Variants in CFAP299 observed in about 807,000 individuals in gnomAD.
CFAP299 encodes cilia and flagella associated protein 299, also known as cilia- and flagella-associated protein 299.
In CFAP299, 21 loss-of-function variants were observed where a neutral mutation model predicts 27.0. That is an observed-to-expected ratio of 0.78 (90% CI 0.55 to 1.12). The LOEUF (loss-of-function observed/expected upper bound fraction) is 1.12, where lower values mean the gene tolerates loss of function less well. Among genes scored for constraint, CFAP299 ranks in the 50% most tolerant of loss-of-function variants. CFAP299 has a pLI of 0.00. For synonymous variants in CFAP299, 104 were observed against 98.1 expected (o/e 1.06, Z -0.36); for missense variants, 310 against 276.6 (o/e 1.12, Z -0.86).
intron 1 of CFAP299, among the ~76,000 whole-genome samples, chr4:80,342,204 G>A (rs1722492236): frequency 6.6e-6 from 1 of 152,176 alleles, no homozygotes; most frequent in African/African-American, 2.4e-5. Context: ...TGGGGTACCT[G>A]AAAGAAACTG....
intron 4 of CFAP299, chr4:80,871,000 G>A (rs1418522639): frequency 2.5e-5 from 15 of 596,824 alleles, no homozygotes; most frequent in South Asian, 7.4e-5. Flanking sequence ...TCCACCTCAC[G>A]GGTTCAAGCA....
chr4:80,507,936 G>T (rs1732114610), intron 2 of CFAP299, among the ~76,000 whole-genome samples: 1 of 152,132 alleles, frequency 6.6e-6, no homozygotes, highest in Non-Finnish European at 1.5e-5. Flanking sequence ...ACTGTAATTA[G>T]TCAGACCCAA....
chr4:80,681,715 C>T (rs1402893428), intron 3 of CFAP299, among the ~76,000 whole-genome samples: 2 of 152,180 alleles, frequency 1.3e-5, no homozygotes, highest in Admixed American at 6.5e-5. Context: ...AGTAATTTAA[C>T]AGATGGCAAA....
chr4:80,921,108 G>T (rs1008453240), intron 4 of CFAP299, among the ~76,000 whole-genome samples: 2 of 151,948 alleles, frequency 1.3e-5, no homozygotes, highest in Non-Finnish European at 2.9e-5. Context: ...ATCCCCAATA[G>T]GTTTGGGGAG....
intron 2 of CFAP299, among the ~76,000 whole-genome samples, chr4:80,392,386 T>C (rs900042068): frequency 6.6e-6 from 1 of 152,170 alleles, no homozygotes; most frequent in Admixed American, 6.5e-5. Flanking sequence ...ATAGTTCGGC[T>C]GTGTCCCCAC....
At chr4:80,352,868 TA>T (rs1168917973) in intron 1 of CFAP299, among the ~76,000 whole-genome samples, 2 of 151,656 alleles carry the variant, frequency 1.3e-5, no homozygotes, top group Non-Finnish European at 1.5e-5. Context: ...TTGATTTGAG[TA>T]AAAAAGAAAA....
At chr4:80,963,328 C>T (rs1410720834) in intron 5 of CFAP299, among the ~76,000 whole-genome samples, 189 bp from the exon 6 acceptor site, 1 of 151,790 alleles carries the variant, frequency 6.6e-6, no homozygotes, top group South Asian at 2.1e-4. Context: ...ATCATAATTC[C>T]AAAGCTCCTA....
intron 4 of CFAP299, among the ~76,000 whole-genome samples, chr4:80,937,301 T>TC (rs1560484221): frequency 5.0e-5 from 7 of 140,082 alleles, no homozygotes; most frequent in Non-Finnish European, 1.1e-4. Context: ...CTTTTTTCTT[T>TC]TTTTTTCTTT....
At chr4:80,441,750 C>A (rs1477556847) in intron 2 of CFAP299, among the ~76,000 whole-genome samples, 1 of 152,168 alleles carries the variant, frequency 6.6e-6, no homozygotes, top group Admixed American at 6.5e-5. Context: ...AATTAAAAGA[C>A]ACAGACTGGC....
Position 80,449,334 on chromosome 4 carries a change from A to T in CFAP299, c.242+86450A>T, listed in dbSNP as rs562002246. Among the ~76,000 whole-genome samples, 34 of 152,086 alleles carry T rather than the reference A, an allele frequency of 2.2e-4. No individual in the cohort carries two copies. The South Asian group carries it at 6.8e-3, about 31-fold the overall frequency. ...AATTTTCACATTGTTATTTCATTTT[A>T]AATTTTATTATTAATCACTTATTAG... On this transcript the variant is annotated intron_variant, in intron 2 of 5. Coordinates refer to ENST00000358105, the MANE Select transcript of CFAP299 (RefSeq NM_152770.3).
At chr4:80,559,130 A>G (rs1399842767) in intron 2 of CFAP299, among the ~76,000 whole-genome samples, 5 of 152,066 alleles carry the variant, frequency 3.3e-5, no homozygotes, top group South Asian at 4.1e-4. Flanking sequence ...CTTTAGTTAT[A>G]TATCTCCTCA....
intron 2 of CFAP299, among the ~76,000 whole-genome samples, chr4:80,374,246 G>A (rs1724292316): frequency 6.6e-6 from 1 of 152,156 alleles, no homozygotes; most frequent in Admixed American, 6.5e-5. Context: ...AGTCCAATGA[G>A]TCCCTCTAGT....
intron 1 of CFAP299, among the ~76,000 whole-genome samples, chr4:80,337,594 C>T (rs1003965187): frequency 7.9e-5 from 12 of 151,992 alleles, no homozygotes; most frequent in African/African-American, 1.4e-4. Context: ...GACAGGGTTT[C>T]ACCATGTTGG....
chr4:80,632,259 G>A (rs1020368566), intron 3 of CFAP299, among the ~76,000 whole-genome samples: 14 of 150,640 alleles, frequency 9.3e-5, no homozygotes, highest in African/African-American at 2.7e-4. Flanking sequence ...AAAACAATTT[G>A]GTTTTCCTTT....
chr4:80,387,820 G>T, intron 2 of CFAP299: 1 of 1,541,852 alleles, frequency 6.5e-7, no homozygotes. Flanking sequence ...TGGCTTCCCT[G>T]TAGCTTCCAG....
chr4:80,618,039 T>G (rs1466369058), intron 3 of CFAP299, among the ~76,000 whole-genome samples: 3 of 151,934 alleles, frequency 2.0e-5, no homozygotes, highest in African/African-American at 7.3e-5. Flanking sequence ...AAAGAAAAAT[T>G]TGTGATGTAT....
At chr4:80,944,498 C>T (rs1302346592) in intron 4 of CFAP299, among the ~76,000 whole-genome samples, 5 of 152,150 alleles carry the variant, frequency 3.3e-5, no homozygotes, top group African/African-American at 9.7e-5. Context: ...TGAACTAGAA[C>T]AAATAGCCTT....
chr4:80,498,623 GA>G (rs1731578759), intron 2 of CFAP299, among the ~76,000 whole-genome samples: 1 of 152,028 alleles, frequency 6.6e-6, no homozygotes, highest in East Asian at 1.9e-4. Flanking sequence ...GGAGAACAGG[GA>G]ACATTTACAT....
chr4:80,899,781 A>G (rs777648226), intron 4 of CFAP299, among the ~76,000 whole-genome samples: 1 of 152,214 alleles, frequency 6.6e-6, no homozygotes, highest in Non-Finnish European at 1.5e-5. Flanking sequence ...TACATTGGGC[A>G]AGTTACCTGG....
Sources: gnomAD v4.1 joint callset for allele counts (sites outside exome capture counted in the v4.1 genomes callset) on GRCh38, gnomAD v4.1.1 for gene constraint, MANE v1.5 for transcripts, NCBI Gene and HGNC (gene_info 2026-07-23, HGNC 2026-07-21) for gene names.